Variants in ULK4 observed in about 807,000 individuals in gnomAD.
ULK4 encodes the protein inactive serine/threonine-protein kinase ULK4.
In ULK4, 133 loss-of-function variants were observed where a neutral mutation model predicts 160.6. That is an observed-to-expected ratio of 0.83 (90% CI 0.72 to 0.96). ULK4 has a LOEUF of 0.96. ULK4 is among the 40% of genes least tolerant of loss of function. ULK4 has a pLI of 0.00. For synonymous variants in ULK4, 534 were observed against 539.8 expected, an observed-to-expected ratio of 0.99 and a Z score of 0.15; for missense variants, 1,580 against 1,499.5, an observed-to-expected ratio of 1.05 and a Z score of -0.89.
chr3:41,838,970 T>G (rs1482689308), intron 17 of ULK4, among the ~76,000 whole-genome samples: 1 of 152,178 alleles, frequency 6.6e-6, no homozygotes, highest in East Asian at 1.9e-4. Flanking sequence ...AACCTTCAGT[T>G]AGACAGGAGG....
intron 21 of ULK4, among the ~76,000 whole-genome samples, chr3:41,759,446 C>A (rs2038916697): frequency 6.6e-6 from 1 of 152,120 alleles, no homozygotes; most frequent in Admixed American, 6.5e-5. Context: ...TCTACAGAAT[C>A]TGTACATTAA....
intron 25 of ULK4, among the ~76,000 whole-genome samples, chr3:41,709,813 C>CAG (rs958177786): frequency 6.6e-6 from 1 of 152,100 alleles, no homozygotes; most frequent in African/African-American, 2.4e-5. Context: ...ATAAGAAACT[C>CAG]AGAGAGAGAG....
intron 21 of ULK4, among the ~76,000 whole-genome samples, chr3:41,760,714 G>T (rs944414298): frequency 4.6e-5 from 7 of 152,058 alleles, no homozygotes; most frequent in Non-Finnish European, 8.8e-5. Context: ...TTAGACTTGG[G>T]TCCCATCCCC....
intron 35 of ULK4, among the ~76,000 whole-genome samples, chr3:41,347,676 C>T (rs1329435761): frequency 2.0e-5 from 3 of 152,138 alleles, no homozygotes; most frequent in East Asian, 3.9e-4. Flanking sequence ...AAACTCATCT[C>T]GGATACCACC....
At chr3:41,584,218 A>C (rs1253390613) in intron 31 of ULK4, among the ~76,000 whole-genome samples, 1 of 152,252 alleles carries the variant, frequency 6.6e-6, no homozygotes, top group East Asian at 1.9e-4. Flanking sequence ...TAAGATCTAA[A>C]GAGAGAAAAA....
At position 41,304,607 on chromosome 3, in the gene ULK4, G is replaced by GAAGCT. The variant is rs145186940; in HGVS notation, c.3679-55038_3679-55034dup. Reference sequence around the variant, plus strand: ...AATTCTGAGGGGGGCTGGAAAACTTGAAGCTAAGCTGCCAGGAGCAAAGCC... The same window carrying GAAGCT: ...AATTCTGAGGGGGGCTGGAAAACTTGAAGCTAAGCTAAGCTGCCAGGAGCAAAGCC... On this transcript the variant is annotated intron_variant, in intron 35 of 36. Coordinates refer to ENST00000301831, the MANE Select transcript of ULK4 (RefSeq NM_017886.4). Among the ~76,000 whole-genome samples, 723 of 152,312 alleles carry GAAGCT rather than the reference G, an allele frequency of 4.7e-3. 6 individuals carry two copies. Among genetic ancestry groups the GAAGCT allele is most frequent in the African/African-American group, 0.016 (664 of 41,552 alleles).
intron 35 of ULK4, among the ~76,000 whole-genome samples, chr3:41,359,510 G>A (rs767159258): frequency 4.6e-5 from 7 of 152,156 alleles, no homozygotes; most frequent in Non-Finnish European, 1.0e-4. Flanking sequence ...AACCAAGGGA[G>A]AGAGTGTTCC....
intron 35 of ULK4, among the ~76,000 whole-genome samples, chr3:41,263,185 T>C (rs1255025123): frequency 2.0e-5 from 3 of 152,076 alleles, no homozygotes; most frequent in African/African-American, 7.3e-5. Context: ...GCTTCGGTCA[T>C]AAGAAGTGAG....
chr3:41,833,240 C>T (rs1243460365), intron 18 of ULK4, among the ~76,000 whole-genome samples: 1 of 150,160 alleles, frequency 6.7e-6, no homozygotes, highest in Non-Finnish European at 1.5e-5. Context: ...TTGAAGAGGT[C>T]CTTCCTGTCC....
chr3:41,593,606 A>C (rs990026335), intron 31 of ULK4, among the ~76,000 whole-genome samples: 3 of 152,250 alleles, frequency 2.0e-5, no homozygotes, highest in African/African-American at 7.2e-5. Flanking sequence ...AAATATATAC[A>C]TTAAAATAAA....
At chr3:41,590,213 AG>A (rs1327138737) in intron 31 of ULK4, among the ~76,000 whole-genome samples, 2 of 151,766 alleles carry the variant, frequency 1.3e-5, no homozygotes, top group Admixed American at 1.3e-4. Context: ...CCTGTTAGCC[AG>A]GATGGTCTCG....
intron 2 of ULK4, among the ~76,000 whole-genome samples, chr3:41,950,118 A>G (rs1253718097): frequency 6.6e-6 from 1 of 151,008 alleles, no homozygotes; most frequent in East Asian, 1.9e-4. Flanking sequence ...ACAAGGTCTC[A>G]GTCTGTCACT....
intron 30 of ULK4, among the ~76,000 whole-genome samples, chr3:41,646,782 G>C (rs992341768): frequency 6.6e-6 from 1 of 152,062 alleles, no homozygotes; most frequent in Non-Finnish European, 1.5e-5. Flanking sequence ...ATATCCTGAA[G>C]AGTGTTTTCC....
At chr3:41,729,750 A>G (rs2037764108) in intron 22 of ULK4, among the ~76,000 whole-genome samples, 1 of 152,236 alleles carries the variant, frequency 6.6e-6, no homozygotes, top group Non-Finnish European at 1.5e-5. Flanking sequence ...CCCTGCCCTC[A>G]GGGAAGCAGC....
intron 29 of ULK4, among the ~76,000 whole-genome samples, chr3:41,668,018 G>C (rs564805327): frequency 1.2e-4 from 19 of 152,276 alleles, no homozygotes; most frequent in African/African-American, 4.1e-4. Flanking sequence ...AATAACTCTG[G>C]ATAATCATGA....
intron 35 of ULK4, among the ~76,000 whole-genome samples, chr3:41,256,381 A>G (rs1187656686): frequency 6.6e-6 from 1 of 152,234 alleles, no homozygotes; most frequent in Admixed American, 6.5e-5. Context: ...TGGTACTGGC[A>G]GAAGGTCAGA....
chr3:41,905,070 T>C (rs915488587), intron 12 of ULK4, among the ~76,000 whole-genome samples: 1 of 152,230 alleles, frequency 6.6e-6, no homozygotes, highest in African/African-American at 2.4e-5. Context: ...GGAGGATTCA[T>C]ACTTTCTGAT....
At chr3:41,789,083 G>A (rs1256389538) in intron 21 of ULK4, among the ~76,000 whole-genome samples, 1 of 152,160 alleles carries the variant, frequency 6.6e-6, no homozygotes, top group Non-Finnish European at 1.5e-5. Context: ...TTTAACAAGG[G>A]ACTAGAGAAG....
chr3:41,420,545 C>A (rs923791886), intron 34 of ULK4, among the ~76,000 whole-genome samples: 1 of 119,560 alleles, frequency 8.4e-6, no homozygotes, highest in African/African-American at 3.3e-5. Context: ...TGCAGTGGTG[C>A]AATCTCGGCT....
Sources: allele counts gnomAD v4.1 joint callset (sites outside exome capture counted in the v4.1 genomes callset), GRCh38; gene constraint gnomAD v4.1.1; transcripts MANE v1.5; gene names NCBI Gene and HGNC (gene_info 2026-07-23, HGNC 2026-07-21).